The following CDC42BPA variants were observed in gnomAD, a reference collection of about 807,000 sequenced individuals.
CDC42BPA encodes the protein CDC42 binding protein kinase alpha, also known as serine/threonine-protein kinase MRCK alpha.
In CDC42BPA, 80 loss-of-function variants were observed where a neutral mutation model predicts 223.5. That is an observed-to-expected ratio of 0.36 (90% CI 0.30 to 0.43). The LOEUF (loss-of-function observed/expected upper bound fraction) is 0.43, where lower values mean the gene tolerates loss of function less well. CDC42BPA is among the 20% of genes least tolerant of loss of function. CDC42BPA has a pLI of 1.00. For missense variants in CDC42BPA, 1,743 were observed against 2,099.9 expected, an observed-to-expected ratio of 0.83 and a Z score of 3.32; for synonymous variants, 694 against 718.6, an observed-to-expected ratio of 0.97 and a Z score of 0.55.
intron 2 of CDC42BPA, among the ~76,000 whole-genome samples, chr1:227,245,687 A>G (rs530041836): frequency 1.3e-4 from 20 of 152,252 alleles, no homozygotes; most frequent in Non-Finnish European, 2.5e-4. Context: ...TAGCTCCCCA[A>G]TGATATTTCT....
chr1:227,225,597 A>G (rs1676716823), intron 2 of CDC42BPA, among the ~76,000 whole-genome samples: 1 of 152,324 alleles, frequency 6.6e-6, no homozygotes, highest in Middle Eastern at 3.4e-3. Flanking sequence ...TCATCTCCCC[A>G]TTAGAACAAT....
chr1:227,153,206 T>C (rs1290000286), intron 6 of CDC42BPA, among the ~76,000 whole-genome samples: 1 of 150,560 alleles, frequency 6.6e-6, no homozygotes. Context: ...TTTAATCTTA[T>C]GGGCATATAC....
At chr1:227,284,515 C>CCTTA (rs1418342859) in intron 1 of CDC42BPA, among the ~76,000 whole-genome samples, 1 of 152,092 alleles carries the variant, frequency 6.6e-6, no homozygotes, top group African/African-American at 2.4e-5. Context: ...GAGGGCCTAA[C>CCTTA]CTTAATACTA....
chr1:227,314,840 A>AT (rs1167981688), intron 1 of CDC42BPA, among the ~76,000 whole-genome samples: 1 of 152,060 alleles, frequency 6.6e-6, no homozygotes, highest in Non-Finnish European at 1.5e-5. Context: ...AAATTACCAA[A>AT]TTTAACCCCA....
chr1:226,997,748 T>A (rs1185068752), intron 35 of CDC42BPA, among the ~76,000 whole-genome samples: 1 of 152,196 alleles, frequency 6.6e-6, no homozygotes, highest in Non-Finnish European at 1.5e-5. Flanking sequence ...AGTTTCCAAG[T>A]AGTTGTGCGG....
chr1:227,047,113 T>C (rs1016024052), intron 23 of CDC42BPA, among the ~76,000 whole-genome samples: 8 of 152,102 alleles, frequency 5.3e-5, no homozygotes, highest in Admixed American at 3.9e-4. Context: ...TGTTTTTCTG[T>C]GATATCCATT....
At chr1:227,141,021 G>C (rs1202182146) in intron 9 of CDC42BPA, among the ~76,000 whole-genome samples, 1 of 152,214 alleles carries the variant, frequency 6.6e-6, no homozygotes, top group African/African-American at 2.4e-5. Flanking sequence ...ACTCAGTCAA[G>C]TGCCCTAGAA....
chr1:227,200,324 A>G (rs1225846681), intron 3 of CDC42BPA, among the ~76,000 whole-genome samples: 3 of 151,930 alleles, frequency 2.0e-5, no homozygotes, highest in Non-Finnish European at 4.4e-5. Flanking sequence ...CCAGCCACTC[A>G]GGAGGCTAAG....
chr1:227,018,032 A>AATTATCATT (rs1666637447), intron 32 of CDC42BPA, among the ~76,000 whole-genome samples: 2 of 145,104 alleles, frequency 1.4e-5, no homozygotes, highest in African/African-American at 5.0e-5. Flanking sequence ...TTAAAAATAG[A>AATTATCATT]ATTATTATTA....
Position 227,004,733 on chromosome 1 carries a change from A to T in CDC42BPA, c.4975+261T>A, listed in dbSNP as rs1214809166. On this transcript the variant is annotated intron_variant, in intron 35 of 36. Coordinates refer to ENST00000366766, the MANE Select transcript of CDC42BPA (RefSeq NM_001394014.1). Reference sequence around the variant, plus strand: ...TTAATGTATGCTGTTTACTTCCTTCAGAGCCTTTATCATCACAATTTGTAA... The same window carrying T: ...TTAATGTATGCTGTTTACTTCCTTCTGAGCCTTTATCATCACAATTTGTAA... The T allele has an allele frequency of 1.5e-5, 8 of 528,758 alleles. No individual in the cohort carries two copies. In the East Asian group the frequency reaches 2.8e-4, roughly 18 times the overall value. 32.8% of individuals were successfully genotyped at this position (528,758 alleles called of 1,614,324 possible). A position where few individuals can be genotyped will look rare whatever the true frequency, so the allele number is the denominator to read the frequency against.
chr1:227,302,897 C>T (rs112090882), intron 1 of CDC42BPA, among the ~76,000 whole-genome samples: 4 of 110,260 alleles, frequency 3.6e-5, no homozygotes, highest in Non-Finnish European at 5.9e-5. Flanking sequence ...TTTCAAAGAA[C>T]TTTTTTCATT....
At position 227,289,371 on chromosome 1, in the gene CDC42BPA, G is replaced by A. The variant is rs573303061; in HGVS notation, c.178+27634C>T. Among the ~76,000 whole-genome samples, 33 of 151,926 alleles carry A rather than the reference G, an allele frequency of 2.2e-4. No homozygotes were observed. In the South Asian group the frequency reaches 6.9e-3, roughly 32 times the overall value. On this transcript the variant is annotated intron_variant, in intron 1 of 36. Coordinates refer to ENST00000366766, the MANE Select transcript of CDC42BPA (RefSeq NM_001394014.1). The stretch of plus-strand genomic sequence containing the variant: ...AGCACTTACTGTTCCCTCTACCTAG[G>A]GTGCTCTTACCCAAGATAGTCACAT...
intron 1 of CDC42BPA, among the ~76,000 whole-genome samples, chr1:227,299,969 A>G (rs1691334210): frequency 6.6e-6 from 1 of 152,196 alleles, no homozygotes; most frequent in African/African-American, 2.4e-5. Flanking sequence ...AAAGCGGACC[A>G]GTTTTCTCAG....
intron 8 of CDC42BPA, among the ~76,000 whole-genome samples, chr1:227,144,392 C>T (rs547396534): frequency 9.2e-5 from 14 of 151,910 alleles, no homozygotes; most frequent in South Asian, 2.1e-4. Context: ...CTGGCTAACA[C>T]GGTGAAACCC....
intron 33 of CDC42BPA, 80 bp from the exon 34 acceptor site, chr1:227,016,277 CT>C (rs1414014237): frequency 3.7e-5 from 29 of 779,740 alleles, no homozygotes; most frequent in South Asian, 2.7e-4. Flanking sequence ...GCTTAATTTT[CT>C]TAATAAAAAT....
chr1:227,097,851 G>A (rs904947086), intron 15 of CDC42BPA, among the ~76,000 whole-genome samples: 5 of 152,162 alleles, frequency 3.3e-5, no homozygotes, highest in African/African-American at 1.2e-4. Context: ...CCCACCCCAA[G>A]GGAAGAATCA....
chr1:227,267,911 A>G (rs771180863), intron 1 of CDC42BPA, among the ~76,000 whole-genome samples: 4 of 152,168 alleles, frequency 2.6e-5, no homozygotes, highest in Non-Finnish European at 4.4e-5. Flanking sequence ...GAGCTAAACC[A>G]TATCACCAGA....
chr1:227,268,667 CAT>C (rs1472425451), intron 1 of CDC42BPA, among the ~76,000 whole-genome samples: 18 of 139,010 alleles, frequency 1.3e-4, no homozygotes, highest in Admixed American at 3.0e-4. Flanking sequence ...TATATATATA[CAT>C]ATATATATAT....
intron 35 of CDC42BPA, among the ~76,000 whole-genome samples, chr1:226,998,070 A>G (rs578222075): frequency 6.6e-6 from 1 of 152,338 alleles, no homozygotes; most frequent in South Asian, 2.1e-4. Flanking sequence ...TAAAATACCT[A>G]GGAATCCAAC....
Sources: allele counts gnomAD v4.1 joint callset (sites outside exome capture counted in the v4.1 genomes callset), GRCh38; gene constraint gnomAD v4.1.1; transcripts MANE v1.5; gene names NCBI Gene and HGNC (gene_info 2026-07-23, HGNC 2026-07-21).